The following SH3BP5 variants were observed in gnomAD, a reference collection of about 807,000 sequenced individuals.
SH3BP5 encodes SH3 domain-binding protein 5.
A neutral mutation model predicts 43.3 loss-of-function variants in SH3BP5; 22 were observed. The observed-to-expected ratio is 0.51, with a 90% CI of 0.36 to 0.73. The LOEUF is 0.73. Among genes scored for constraint, SH3BP5 ranks in the 30% least tolerant of loss-of-function variants. The pLI is 0.00. For missense variants in SH3BP5, 529 were observed against 586.9 expected (o/e 0.90, Z 1.02); for synonymous variants, 255 against 225.8 (o/e 1.13, Z -1.16).
chr3:15,269,561 G>C (rs965536690), intron 4 of SH3BP5, 152 bp downstream of exon 4: 2 of 758,952 alleles, frequency 2.6e-6, no homozygotes, highest in East Asian at 5.8e-5. Context: ...CGTACCAAGC[G>C]CAGCCAAGAG....
chr3:15,334,120 C>A (rs1268035279), upstream of SH3BP5, among the ~76,000 whole-genome samples: 1 of 152,212 alleles, frequency 6.6e-6, no homozygotes, highest in Admixed American at 6.5e-5. Context: ...CCTCTCCATT[C>A]TAAATGGCAA....
chr3:15,281,355 T>A (rs1364441516), intron 3 of SH3BP5, among the ~76,000 whole-genome samples: 1 of 152,188 alleles, frequency 6.6e-6, no homozygotes, highest in South Asian at 2.1e-4. Flanking sequence ...TATGAGGCCA[T>A]GGTCTGTGTC....
At chr3:15,318,056 G>A (rs1183039604) in intron 2 of SH3BP5, among the ~76,000 whole-genome samples, 2 of 152,248 alleles carry the variant, frequency 1.3e-5, no homozygotes, top group South Asian at 4.1e-4. Context: ...CCACTCCCTG[G>A]CTGTGTGACC....
intron 3 of SH3BP5, among the ~76,000 whole-genome samples, chr3:15,295,306 C>A (rs1559444792): frequency 6.6e-6 from 1 of 152,216 alleles, no homozygotes; most frequent in Non-Finnish European, 1.5e-5. Flanking sequence ...TTGGGGCCAT[C>A]CATCGACATG....
At position 15,332,506 on chromosome 3, in the gene SH3BP5, C is replaced by T; in HGVS notation, c.-98G>A. 1.5e-6 allele frequency: 2 copies of T among 1,300,778 alleles called. No individual in the cohort carries two copies. The highest frequency in any genetic ancestry group is 1.9e-6 in the Non-Finnish European group (2 of 1,029,934). 80.6% of individuals were successfully genotyped at this position (1,300,778 alleles called of 1,614,324 possible). A position where few individuals can be genotyped will look rare whatever the true frequency, so the allele number is the denominator to read the frequency against. ...CTGGAGCCGCCTCGCCACAGCCGGG[C>T]ACGGTCGGGGAGCCGCCGGGGCCGA... On this transcript the variant is annotated 5_prime_UTR_variant, in exon 1 of 9. Coordinates refer to ENST00000383791, the MANE Select transcript of SH3BP5 (RefSeq NM_004844.5).
intron 2 of SH3BP5, among the ~76,000 whole-genome samples, chr3:15,310,290 G>A (rs1159024915): frequency 1.3e-5 from 2 of 152,234 alleles, no homozygotes; most frequent in Admixed American, 6.5e-5. Context: ...CTGGCATCAT[G>A]AGGGGAGAGC....
chr3:15,279,593 G>A (rs892142746), intron 3 of SH3BP5, among the ~76,000 whole-genome samples: 24 of 152,062 alleles, frequency 1.6e-4, no homozygotes, highest in Admixed American at 7.2e-4. Flanking sequence ...CTGGGGGTGG[G>A]GGTAAAGATG....
intron 3 of SH3BP5, among the ~76,000 whole-genome samples, chr3:15,288,081 A>G (rs1002937066): frequency 1.3e-5 from 2 of 152,212 alleles, no homozygotes; most frequent in African/African-American, 4.8e-5. Context: ...GAGACCCAGG[A>G]AAGAACTTAC....
At chr3:15,261,446 C>A (rs6764706) in intron 5 of SH3BP5, among the ~76,000 whole-genome samples, 8,472 of 152,274 alleles carry the variant, frequency 0.056, 820 homozygotes, top group African/African-American at 0.19. Flanking sequence ...AAGCTTCCAA[C>A]TGCCCAGCCC....
At chr3:15,267,158 G>T (rs1450623585) in intron 4 of SH3BP5, among the ~76,000 whole-genome samples, 9 of 152,256 alleles carry the variant, frequency 5.9e-5, no homozygotes. Context: ...GGCTGAGCAT[G>T]CCAGGCCCGT....
At chr3:15,287,772 C>T (rs1203554211) in intron 3 of SH3BP5, among the ~76,000 whole-genome samples, 4 of 152,052 alleles carry the variant, frequency 2.6e-5, no homozygotes, top group African/African-American at 9.7e-5. Flanking sequence ...AGTAGAACAC[C>T]ACGACGTACC....
At chr3:15,296,341 TAC>T (rs141504303) in intron 3 of SH3BP5, among the ~76,000 whole-genome samples, 82 of 145,804 alleles carry the variant, frequency 5.6e-4, no homozygotes, top group Non-Finnish European at 8.5e-4. Flanking sequence ...GGAAATCATA[TAC>T]ACACACACAC....
At chr3:15,267,340 T>C (rs1369134609) in intron 4 of SH3BP5, among the ~76,000 whole-genome samples, 1 of 152,230 alleles carries the variant, frequency 6.6e-6, no homozygotes, top group Non-Finnish European at 1.5e-5. Context: ...ACGCTGAAAT[T>C]CTGAGTGGCA....
chr3:15,330,455 G>A (rs778388588), intron 2 of SH3BP5, 49 bp downstream of exon 2: 5 of 1,469,336 alleles, frequency 3.4e-6, no homozygotes, highest in East Asian at 2.3e-5. Context: ...GCCTTGTGCC[G>A]GTGTGAGTGA....
rs1698637950 is a variant in SH3BP5, at chr3:15,332,423, C to T, written c.-15G>A. 1.3e-6 allele frequency: 2 copies of T among 1,529,714 alleles called. No individual in the cohort carries two copies. The highest frequency in any genetic ancestry group is 1.7e-6 in the Non-Finnish European group (2 of 1,143,744). 94.8% of individuals were successfully genotyped at this position (1,529,714 alleles called of 1,614,324 possible). ...GCCGCGTCCATGCAGGCAGCCGGCA[C>T]GCGCGCCGCGCAGTGGGCTCCGGAG... On this transcript the variant is annotated 5_prime_UTR_variant, in exon 1 of 9. In the 5' UTR this introduces an upstream ATG that the reference lacks. Coordinates refer to ENST00000383791, the MANE Select transcript of SH3BP5 (RefSeq NM_004844.5).
chr3:15,315,682 C>T (rs939338819), intron 2 of SH3BP5, among the ~76,000 whole-genome samples: 1 of 152,104 alleles, frequency 6.6e-6, no homozygotes, highest in Non-Finnish European at 1.5e-5. Context: ...GAAGGGTTTC[C>T]AAACAAGCAG....
At chr3:15,316,385 C>T (rs1484874731) in intron 2 of SH3BP5, among the ~76,000 whole-genome samples, 2 of 151,918 alleles carry the variant, frequency 1.3e-5, no homozygotes, top group South Asian at 2.1e-4. Context: ...CGACCACACT[C>T]AGCTAATTTT....
chr3:15,259,681 T>C (rs556257371), intron 6 of SH3BP5, 80 bp downstream of exon 6: 1 of 1,306,148 alleles, frequency 7.7e-7, no homozygotes, highest in East Asian at 2.3e-5. Context: ...GTGGCCCATG[T>C]GATACTCTGC....
At chr3:15,308,134 AG>A (rs1292956653) in intron 2 of SH3BP5, among the ~76,000 whole-genome samples, 1 of 152,192 alleles carries the variant, frequency 6.6e-6, no homozygotes, top group African/African-American at 2.4e-5. Context: ...TCACTCATTC[AG>A]GTTCCCTGCC....
Sources: gnomAD v4.1 joint callset for allele counts (sites outside exome capture counted in the v4.1 genomes callset) on GRCh38, gnomAD v4.1.1 for gene constraint, MANE v1.5 for transcripts, NCBI Gene and HGNC (gene_info 2026-07-23, HGNC 2026-07-21) for gene names.